The following PRUNE2 variants were observed in gnomAD, a reference collection of about 807,000 sequenced individuals.
PRUNE2 encodes the protein protein prune homolog 2.
In PRUNE2, 164 loss-of-function variants were observed where a neutral mutation model predicts 252.0. That is an observed-to-expected ratio of 0.65 (90% CI 0.57 to 0.74). PRUNE2 has a LOEUF of 0.74. PRUNE2 is among the 30% of genes least tolerant of loss of function. The pLI, the probability that PRUNE2 is intolerant of heterozygous loss-of-function variation, is 0.00. For missense variants in PRUNE2, 3,495 were observed against 3,711.0 expected (o/e 0.94, Z 1.51); for synonymous variants, 1,292 against 1,350.2 (o/e 0.96, Z 0.94).
At chr9:76,682,892 C>G (rs1401675451) in intron 9 of PRUNE2, among the ~76,000 whole-genome samples, 1 of 152,128 alleles carries the variant, frequency 6.6e-6, no homozygotes, top group East Asian at 1.9e-4. Flanking sequence ...AAACTATAGT[C>G]ACTCTAATGA....
chr9:76,833,720 G>C (rs1483400514), intron 4 of PRUNE2, among the ~76,000 whole-genome samples: 1 of 151,072 alleles, frequency 6.6e-6, no homozygotes, highest in Non-Finnish European at 1.5e-5. Flanking sequence ...AGCCGAGATT[G>C]CGCCACTGCA....
chr9:76,894,717 C>CAAAAAAAAAAAA lies in PRUNE2; in HGVS notation c.36+11199_36+11210dup, dbSNP rs113594017. Among the ~76,000 whole-genome samples, 245 of 120,558 alleles carry CAAAAAAAAAAAA rather than the reference C, an allele frequency of 2.0e-3. 7 individuals are homozygous for CAAAAAAAAAAAA. The highest frequency in any genetic ancestry group is 8.0e-3 in the African/African-American group (231 of 28,908). The allele number at this position is 120,558 out of a possible 152,430, so 79.1% of individuals were successfully genotyped here. On this transcript the variant is annotated intron_variant, in intron 1 of 18. Coordinates refer to ENST00000376718, the MANE Select transcript of PRUNE2 (RefSeq NM_015225.3). ...GCACCCTTTCATTAATTTTCTGCAG[C>CAAAAAAAAAAAA]AAAAAAAAAAAAAAAGGACCAGCCA...
At chr9:76,894,715 A>G (rs1039188576) in intron 1 of PRUNE2, among the ~76,000 whole-genome samples, 3 of 147,166 alleles carry the variant, frequency 2.0e-5, no homozygotes, top group Admixed American at 6.7e-5. Flanking sequence ...AATTTTCTGC[A>G]GCAAAAAAAA....
intron 6 of PRUNE2, among the ~76,000 whole-genome samples, chr9:76,802,916 C>CAAGTG (rs2056662275): frequency 6.6e-6 from 1 of 152,132 alleles, no homozygotes; most frequent in Admixed American, 6.5e-5. Context: ...GACATCGACA[C>CAAGTG]ACTTTGTTGT....
Position 76,705,630 on chromosome 9 carries a change from G to A in PRUNE2, c.6644C>T (p.Ala2215Val). The A allele has an allele frequency of 6.2e-7, 1 of 1,614,008 alleles. No individual in the cohort carries two copies. Among genetic ancestry groups the A allele is most frequent in the Non-Finnish European group, 8.5e-7 (1 of 1,179,886 alleles). Reference sequence around the variant, plus strand: ...TCTGTCAACTGGTTCCAAAATTGGTGCCATATCTGGGCTGGCTCCTTTTTC... The same window carrying A: ...TCTGTCAACTGGTTCCAAAATTGGTACCATATCTGGGCTGGCTCCTTTTTC... ...VSEKGASPDM[A>V]PILEPVDRRI... Residue 2215 changes from alanine (A) to valine (V), a missense_variant, in exon 8 of 19, where the codon GCA becomes GTA. Ala to Val is a moderately conservative substitution (Grantham distance 64). Coordinates refer to ENST00000376718, the MANE Select transcript of PRUNE2 (RefSeq NM_015225.3).
intron 6 of PRUNE2, among the ~76,000 whole-genome samples, chr9:76,813,494 T>A (rs1351609366): frequency 6.6e-6 from 1 of 152,038 alleles, no homozygotes; most frequent in Admixed American, 6.6e-5. Flanking sequence ...GTGACTAGCA[T>A]ACACACACAC....
At chr9:76,857,916 C>G (rs2060344747) in intron 1 of PRUNE2, among the ~76,000 whole-genome samples, 1 of 152,154 alleles carries the variant, frequency 6.6e-6, no homozygotes, top group Non-Finnish European at 1.5e-5. Context: ...AAAGAGACTC[C>G]TGACCCCAAA....
Position 76,709,889 on chromosome 9 carries a change from C to T in PRUNE2, c.2385G>A (p.Ala795=), listed in dbSNP as rs367561759. The change falls in exon 8 of 19, where the codon GCG becomes GCA. Residue 795 remains alanine (A), a synonymous_variant. Transcript: ENST00000376718. ...PTDDGEPAAV[A]PFPAWSAFGK... ...CAAATGCACTCCAGGCTGGGAATGG[C>T]GCCACAGCTGCTGGTTCACCATCAT... The T allele has an allele frequency of 3.1e-5, 50 of 1,613,702 alleles. No homozygotes were observed. In the Middle Eastern group the frequency reaches 4.9e-4, roughly 16 times the overall value.
At position 76,705,311 on chromosome 9, in the gene PRUNE2, T is replaced by C. The variant is rs1228585638; in HGVS notation, c.6963A>G (p.Lys2321=). The part of the protein sequence containing the change: ...TSTGTIDDMS[K]LTLSEGHPET... ...CCGGATGGCCTTCGGATAATGTCAGTTTACTCATGTCATCTATTGTTCCCG... is the reference window on the plus strand; with the variant it reads ...CCGGATGGCCTTCGGATAATGTCAGCTTACTCATGTCATCTATTGTTCCCG... The change falls in exon 8 of 19, where the codon AAA becomes AAG. Residue 2321 remains lysine, a synonymous_variant. Transcript: ENST00000376718. 4.3e-6 allele frequency: 7 copies of C among 1,613,910 alleles called. No individual in the cohort carries two copies. Among genetic ancestry groups the C allele is most frequent in the Non-Finnish European group, 4.2e-6 (5 of 1,179,898 alleles).
intron 6 of PRUNE2, among the ~76,000 whole-genome samples, chr9:76,753,892 T>G (rs534175083): frequency 4.1e-5 from 6 of 145,324 alleles, no homozygotes; most frequent in African/African-American, 1.0e-4. Context: ...CACTCCAGCC[T>G]GGGTGACTGA....
chr9:76,722,348 G>A (rs964854854), intron 6 of PRUNE2, among the ~76,000 whole-genome samples: 7 of 151,686 alleles, frequency 4.6e-5, no homozygotes, highest in African/African-American at 1.7e-4. Flanking sequence ...AGAATTACAG[G>A]TGTGAGCCAC....
At position 76,641,167 on chromosome 9, in the gene PRUNE2, T is replaced by A. The variant is rs1033112268; in HGVS notation, c.8729-2879A>T. Among the ~76,000 whole-genome samples the A allele has an allele frequency of 8.5e-5, 13 of 152,282 alleles. No homozygotes were observed. The Middle Eastern group carries it at 0.014, about 159-fold the overall frequency. On this transcript the variant is annotated intron_variant, in intron 12 of 18. Transcript: ENST00000376718. ...TACTACTTCATGATCGCTGTCTAAG[T>A]AAGAAATGTCTCGATATAAAAAGTA...
At chr9:76,721,533 T>C (rs1252825812) in intron 6 of PRUNE2, among the ~76,000 whole-genome samples, 1 of 152,232 alleles carries the variant, frequency 6.6e-6, no homozygotes, top group Non-Finnish European at 1.5e-5. Context: ...TTTGTTTGTT[T>C]TTGCAGGAAA....
rs923007922 is a variant in PRUNE2 at position 76,674,623 on chromosome 9, A to C, written c.8277-19121T>G. Among the ~76,000 whole-genome samples, 529 of 151,056 alleles carry C rather than the reference A, an allele frequency of 3.5e-3. 3 individuals are homozygous for C. Among genetic ancestry groups the C allele is most frequent in the African/African-American group, 0.012 (503 of 41,424 alleles). The stretch of plus-strand genomic sequence containing the variant: ...ATCGCCAAGTCAATCCTAAGCCAAA[A>C]GAACAAAGCTGGAGGCATCACACTA... On this transcript the variant is annotated intron_variant, in intron 9 of 18. Transcript: ENST00000376718.
chr9:76,636,244 A>C (rs1262260141), intron 15 of PRUNE2, among the ~76,000 whole-genome samples: 1 of 152,184 alleles, frequency 6.6e-6, no homozygotes. Flanking sequence ...CAAGCAATTT[A>C]GAGGTCCTGT....
chr9:76,832,080 G>A (rs753402203), intron 4 of PRUNE2, among the ~76,000 whole-genome samples: 1 of 152,076 alleles, frequency 6.6e-6, no homozygotes, highest in Non-Finnish European at 1.5e-5. Flanking sequence ...TTCTAAATTT[G>A]TATGCACTAA....
rs758749145 is a variant in PRUNE2 at position 76,708,638 on chromosome 9, C to G, written c.3636G>C (p.Gly1212=). The change falls in exon 8 of 19, where the codon GGG becomes GGC. Residue 1212 remains glycine (G), a synonymous_variant. Coordinates refer to ENST00000376718, the MANE Select transcript of PRUNE2 (RefSeq NM_015225.3). ...CCCAAATACTGTTTGCAATTAGCTG[C>G]CCACTTTTCTCATTCAATGTGTGAT... is the stretch of plus-strand genomic sequence containing the variant. ...SEHHTLNEKS[G]QLIANSIWDS... is the part of the protein sequence containing the mutation. 11 of 1,613,906 alleles carry G rather than the reference C, an allele frequency of 6.8e-6. No individual in the cohort carries two copies. Among genetic ancestry groups the G allele is most frequent in the Middle Eastern group, 3.3e-4 (2 of 6,062 alleles).
chr9:76,644,727 G>A lies in PRUNE2; in HGVS notation c.8728+12C>T, dbSNP rs1366828915. ...CTTCCCCATTTCCCAGATTCATGCT[G>A]AGCTCGACTACCTCCGTGAGAAATG... On this transcript the variant is annotated intron_variant, in intron 12 of 18. Transcript: ENST00000376718. 6.2e-7 allele frequency: 1 copy of A among 1,612,906 alleles called. No individual in the cohort carries two copies.
intron 1 of PRUNE2, among the ~76,000 whole-genome samples, chr9:76,860,570 GA>G (rs1294242264): frequency 5.3e-5 from 8 of 152,198 alleles, no homozygotes; most frequent in African/African-American, 1.9e-4. Context: ...ACAGTTATAA[GA>G]TGACTTTTCA....
Sources: allele counts gnomAD v4.1 joint callset (sites outside exome capture counted in the v4.1 genomes callset), GRCh38; gene constraint gnomAD v4.1.1; transcripts MANE v1.5; gene names NCBI Gene and HGNC (gene_info 2026-07-23, HGNC 2026-07-21).